Variants in PRR5L observed in about 807,000 individuals in gnomAD.
PRR5L encodes proline rich 5 like, also known as proline-rich protein 5-like.
Under a neutral mutation model 36.4 loss-of-function variants are expected in PRR5L, and 21 were observed. That is an observed-to-expected ratio of 0.58 (90% CI 0.41 to 0.83). PRR5L has a LOEUF of 0.83. PRR5L is among the 40% of genes least tolerant of loss of function. PRR5L has a pLI of 0.00. For missense variants in PRR5L, 381 were observed against 473.3 expected (o/e 0.80, Z 1.81); for synonymous variants, 188 against 197.0 (o/e 0.95, Z 0.38).
chr11:36,371,434 T>A (rs996618794), intron 1 of PRR5L, among the ~76,000 whole-genome samples: 1 of 152,230 alleles, frequency 6.6e-6, no homozygotes, highest in Non-Finnish European at 1.5e-5. Context: ...GTATTTATCA[T>A]GAGTAACTAC....
chr11:36,367,231 T>C (rs566316855), intron 1 of PRR5L, among the ~76,000 whole-genome samples: 38 of 152,092 alleles, frequency 2.5e-4, no homozygotes, highest in Non-Finnish European at 4.7e-4. Flanking sequence ...GTTCAACAAA[T>C]TGGGAATAGA....
intron 1 of PRR5L, among the ~76,000 whole-genome samples, chr11:36,333,419 A>G (rs1400337201): frequency 6.6e-6 from 1 of 152,210 alleles, no homozygotes; most frequent in African/African-American, 2.4e-5. Context: ...CTATATAAAG[A>G]CTGTATGTAA....
At chr11:36,431,328 CA>C (rs1448678604) in intron 4 of PRR5L, among the ~76,000 whole-genome samples, 3 of 152,312 alleles carry the variant, frequency 2.0e-5, no homozygotes, top group Admixed American at 6.5e-5. Context: ...GTTGCAGTTG[CA>C]AGAGGACTTT....
intron 1 of PRR5L, among the ~76,000 whole-genome samples, chr11:36,373,508 A>T (rs1166486911): frequency 1.3e-5 from 2 of 151,978 alleles, no homozygotes; most frequent in Non-Finnish European, 2.9e-5. Context: ...GCTGAGGCAA[A>T]GGCTCAGTTG....
Position 36,462,432 on chromosome 11 carries a change from T to C in PRR5L, c.803T>C (p.Val268Ala). The change falls in exon 9 of 9, where the codon GTC (valine) becomes GCC (alanine). Residue 268 changes from valine (V) to alanine (A), a missense_variant. Val to Ala is a moderately conservative substitution (Grantham distance 64). Transcript: ENST00000530639. The stretch of plus-strand genomic sequence containing the variant: ...GTCAGCCGGCCACTGAATGAGATGG[T>C]CTTGACCCCACTGACAGAGCAGGAG... Reference protein sequence around the residue: ...TAVSRPLNEMVLTPLTEQEGE... With the variant: ...TAVSRPLNEMALTPLTEQEGE... 1 of 1,601,626 alleles carries C rather than the reference T, an allele frequency of 6.2e-7. No individual in the cohort carries two copies. Among genetic ancestry groups the C allele is most frequent in the Non-Finnish European group, 8.5e-7 (1 of 1,173,380 alleles).
Position 36,344,759 on chromosome 11 carries a change from G to T in PRR5L, c.-126+48321G>T, listed in dbSNP as rs1856848099. 6.6e-6 allele frequency among the ~76,000 whole-genome samples: 1 copy of T among 152,174 alleles called. No individual in the cohort carries two copies. Among genetic ancestry groups the T allele is most frequent in the Non-Finnish European group, 1.5e-5 (1 of 68,018 alleles). On this transcript the variant is annotated intron_variant, in intron 1 of 8. Coordinates refer to ENST00000530639, the MANE Select transcript of PRR5L (RefSeq NM_001160167.2). This position sits in a 1 kb window ranked among gnomAD's most constrained non-coding sequence, Gnocchi z 4.1. ...AAAAATCAAGATAAATGAAAACCAT[G>T]AGGATTCTGACTGAGAATGAACTGA... is the stretch of plus-strand genomic sequence containing the variant.
chr11:36,437,171 T>C (rs1858622056), intron 5 of PRR5L, among the ~76,000 whole-genome samples: 1 of 152,190 alleles, frequency 6.6e-6, no homozygotes, highest in African/African-American at 2.4e-5. Flanking sequence ...AGATGGAATA[T>C]ATTTCTGCCC....
chr11:36,360,022 G>A (rs571447660), intron 1 of PRR5L, among the ~76,000 whole-genome samples: 23 of 148,718 alleles, frequency 1.5e-4, no homozygotes, highest in Middle Eastern at 3.4e-3. Flanking sequence ...GGGCGACAGA[G>A]TGAGACTCTG....
chr11:36,324,972 G>T (rs1211227250), intron 1 of PRR5L, among the ~76,000 whole-genome samples: 1 of 152,048 alleles, frequency 6.6e-6, no homozygotes, highest in Non-Finnish European at 1.5e-5. Context: ...CATTTTTCAT[G>T]ATGATGTTAC....
chr11:36,398,043 C>T (rs758871807), intron 1 of PRR5L, among the ~76,000 whole-genome samples: 18 of 152,130 alleles, frequency 1.2e-4, no homozygotes, highest in Non-Finnish European at 1.6e-4. Context: ...GATCCACCCA[C>T]CTCGGCCTCC....
At chr11:36,429,012 C>T (rs569585894) in intron 4 of PRR5L, among the ~76,000 whole-genome samples, 40 of 152,158 alleles carry the variant, frequency 2.6e-4, no homozygotes, top group African/African-American at 9.2e-4. Context: ...TATCATTTCT[C>T]CATAATATAG....
At chr11:36,362,938 C>T (rs1211792838) in intron 1 of PRR5L, among the ~76,000 whole-genome samples, 3 of 152,064 alleles carry the variant, frequency 2.0e-5, no homozygotes, top group Non-Finnish European at 2.9e-5. Flanking sequence ...TTTGACCTGG[C>T]TCCTGCAGGG....
At chr11:36,307,685 G>A (rs945251357) in intron 1 of PRR5L, among the ~76,000 whole-genome samples, 1 of 152,146 alleles carries the variant, frequency 6.6e-6, no homozygotes, top group African/African-American at 2.4e-5. Flanking sequence ...GAAAGAATAC[G>A]CACAAATGTT....
In PRR5L at chr11:36,403,385, G is replaced by A. The variant is rs779179206; in HGVS notation, c.245+7G>A. ...CCCTGAACGAAAACATCAGGTATGT[G>A]GCAGGCCAGACTTGGTGCCATTTTC... On this transcript the variant is annotated splice_region_variant and intron_variant, in intron 3 of 8. Coordinates refer to ENST00000530639, the MANE Select transcript of PRR5L (RefSeq NM_001160167.2). 2 of 1,613,000 alleles carry A rather than the reference G, an allele frequency of 1.2e-6. No individual in the cohort carries two copies. Among genetic ancestry groups the A allele is most frequent in the South Asian group, 1.1e-5 (1 of 91,024 alleles).
chr11:36,417,639 G>A (rs1218874447), intron 3 of PRR5L, among the ~76,000 whole-genome samples: 2 of 152,224 alleles, frequency 1.3e-5, no homozygotes, highest in Non-Finnish European at 2.9e-5. Flanking sequence ...TTTGTTCAAC[G>A]TGTGTTTGTG....
At chr11:36,335,093 T>C (rs1856755761) in intron 1 of PRR5L, among the ~76,000 whole-genome samples, 1 of 148,838 alleles carries the variant, frequency 6.7e-6, no homozygotes, top group African/African-American at 2.6e-5. Context: ...GTGGAGATTT[T>C]TTTTTTCTTT....
At chr11:36,298,658 C>G (rs955430150) in intron 1 of PRR5L, among the ~76,000 whole-genome samples, 1 of 152,224 alleles carries the variant, frequency 6.6e-6, no homozygotes, top group Non-Finnish European at 1.5e-5. Context: ...GCTGTGTGGC[C>G]TGGTTCCTAA....
chr11:36,458,027 G>A (rs981720061), intron 8 of PRR5L, among the ~76,000 whole-genome samples: 3 of 152,274 alleles, frequency 2.0e-5, no homozygotes, highest in African/African-American at 7.2e-5. Context: ...TAAGAATGTG[G>A]GAACATTATA....
intron 1 of PRR5L, among the ~76,000 whole-genome samples, chr11:36,364,669 G>C (rs1022123132): frequency 6.6e-6 from 1 of 152,124 alleles, no homozygotes; most frequent in Non-Finnish European, 1.5e-5. Flanking sequence ...CAAGCTACAA[G>C]CTGCCCAAAG....
Sources: allele counts gnomAD v4.1 joint callset (sites outside exome capture counted in the v4.1 genomes callset), GRCh38; gene constraint gnomAD v4.1.1; non-coding constraint Gnocchi (gnomAD v3.1); transcripts MANE v1.5; gene names NCBI Gene and HGNC (gene_info 2026-07-23, HGNC 2026-07-21).